AEBP2: variants seen among roughly 807,000 people sequenced by gnomAD.
AEBP2 encodes the protein AE binding protein 2.
In AEBP2, 10 loss-of-function variants were observed where a neutral mutation model predicts 50.8. The ratio of observed to expected loss-of-function variants is 0.20; its 90% CI spans 0.12 to 0.33. AEBP2 has a LOEUF of 0.33. Among genes scored for constraint, AEBP2 ranks in the 10% least tolerant of loss-of-function variants. The pLI is 1.00. For missense variants in AEBP2, 570 were observed against 688.0 expected (o/e 0.83, Z 1.92); for synonymous variants, 296 against 261.3 (o/e 1.13, Z -1.28).
intron 1 of AEBP2, among the ~76,000 whole-genome samples, chr12:19,408,954 CAAAA>C (rs2095737803): frequency 6.6e-6 from 1 of 151,318 alleles, no homozygotes; most frequent in South Asian, 2.1e-4. Context: ...AGCAAAACAG[CAAAA>C]AAAATTTTTT....
chr12:19,470,153 CTT>C (rs1948548067), intron 2 of AEBP2, among the ~76,000 whole-genome samples: 2 of 148,186 alleles, frequency 1.3e-5, no homozygotes, highest in South Asian at 4.2e-4. Flanking sequence ...TTTTGTGGAT[CTT>C]TCTTTTTTCT....
At chr12:19,413,623 G>A (rs11044543) in intron 1 of AEBP2, among the ~76,000 whole-genome samples, 3,423 of 152,296 alleles carry the variant, frequency 0.022, 45 homozygotes, top group East Asian at 0.045. Context: ...TCCATAGACA[G>A]AGCAGCCCAG....
intron 1 of AEBP2, among the ~76,000 whole-genome samples, chr12:19,459,928 A>C (rs775604628): frequency 6.6e-6 from 1 of 152,242 alleles, no homozygotes. Flanking sequence ...GCTACAAAAA[A>C]ATAGAAAAAT....
chr12:19,508,659 C>T (rs1041326785), intron 5 of AEBP2, among the ~76,000 whole-genome samples: 5 of 151,998 alleles, frequency 3.3e-5, no homozygotes, highest in Non-Finnish European at 7.4e-5. Flanking sequence ...TTTTTTGGGT[C>T]TTTCTGTTAG....
rs1398876571 is a variant in AEBP2 at position 19,493,912 on chromosome 12, C to T, written c.1100C>T (p.Ala367Val). 1 of 1,613,558 alleles carries T rather than the reference C, an allele frequency of 6.2e-7. No homozygotes were observed. The highest frequency in any genetic ancestry group is 8.5e-7 in the Non-Finnish European group (1 of 1,179,738). ...NSSKVSSQPK[A>V]KEESPSKAGM... ...TCAAAAGTTTCTAGCCAGCCAAAGG[C>T]CAAAGAAGAATCTCCTTCTAAAGCT... The change falls in exon 4 of 8, where the codon GCC (alanine) becomes GTC (valine). Residue 367 changes from alanine (A) to valine (V), a missense_variant. By Grantham distance (64) the Ala-to-Val change is moderately conservative. Coordinates refer to ENST00000266508, the MANE Select transcript of AEBP2 (RefSeq NM_153207.5).
chr12:19,455,652 G>A (rs566845310), intron 1 of AEBP2, among the ~76,000 whole-genome samples: 56 of 152,300 alleles, frequency 3.7e-4, no homozygotes, highest in African/African-American at 1.3e-3. Context: ...GACAGGCTTC[G>A]AATTTCCAAA....
chr12:19,417,989 A>T (rs1273092482), intron 1 of AEBP2, among the ~76,000 whole-genome samples: 1 of 152,144 alleles, frequency 6.6e-6, no homozygotes, highest in African/African-American at 2.4e-5. Flanking sequence ...GTCATGAGGC[A>T]CTGCGCCCGG....
Position 19,520,396 on chromosome 12 carries a change from C to T in AEBP2, c.*2279C>T, listed in dbSNP as rs968453514. The stretch of plus-strand genomic sequence containing the variant: ...ATTAACTTCTGAGTACTCAATCAAT[C>T]ATAATCCTTTTGCTGCTTATCTGAT... On this transcript the variant is annotated 3_prime_UTR_variant, in exon 8 of 8. Coordinates refer to ENST00000266508, the MANE Select transcript of AEBP2 (RefSeq NM_153207.5). 1 of 152,158 alleles carries T rather than the reference C, an allele frequency of 6.6e-6. No individual in the cohort carries two copies. The highest frequency in any genetic ancestry group is 1.5e-5 in the Non-Finnish European group (1 of 68,022). 9.4% of individuals were successfully genotyped at this position (152,158 alleles called of 1,614,324 possible). A position where few individuals can be genotyped will look rare whatever the true frequency, so the allele number is the denominator to read the frequency against.
intron 1 of AEBP2, among the ~76,000 whole-genome samples, chr12:19,427,978 C>T (rs1433170978): frequency 3.3e-5 from 5 of 151,742 alleles, no homozygotes; most frequent in Non-Finnish European, 5.9e-5. Flanking sequence ...TGTGATCTCC[C>T]GTAATCCCAG....
At chr12:19,497,305 C>G (rs1459502185) in intron 4 of AEBP2, among the ~76,000 whole-genome samples, 1 of 75,628 alleles carries the variant, frequency 1.3e-5, no homozygotes, top group Admixed American at 1.2e-4. Context: ...AAAATAGTTT[C>G]TATTTTTGTG....
chr12:19,422,220 T>C (rs2095746202), intron 1 of AEBP2, among the ~76,000 whole-genome samples: 1 of 152,146 alleles, frequency 6.6e-6, no homozygotes, highest in South Asian at 2.1e-4. Context: ...TCCTGTCATG[T>C]TGTTATATTG....
In AEBP2 at chr12:19,511,722, T is replaced by A. The variant is rs1369900586; in HGVS notation, c.1300-676T>A. The stretch of plus-strand genomic sequence containing the variant: ...TAGTGTTGGAATATTTGCTGTCCCC[T>A]TTTTGGGCCTGAAGTGCTCGAAGGT... On this transcript the variant is annotated intron_variant, in intron 5 of 7. Coordinates refer to ENST00000266508, the MANE Select transcript of AEBP2 (RefSeq NM_153207.5). Among the ~76,000 whole-genome samples, 3 of 152,164 alleles carry A rather than the reference T, an allele frequency of 2.0e-5. No homozygotes were observed. In the East Asian group the frequency reaches 5.8e-4, roughly 29 times the overall value.
chr12:19,429,651 CTT>C (rs2153365092), intron 1 of AEBP2, among the ~76,000 whole-genome samples: 1 of 152,314 alleles, frequency 6.6e-6, no homozygotes, highest in Admixed American at 6.5e-5. Context: ...TGTTTCCTGA[CTT>C]TTGAATGATT....
intron 1 of AEBP2, among the ~76,000 whole-genome samples, chr12:19,433,943 TTCA>T (rs1463824794): frequency 6.6e-6 from 1 of 151,936 alleles, no homozygotes; most frequent in Non-Finnish European, 1.5e-5. Context: ...GCCTCCTGGG[TTCA>T]AGTGATTCCT....
At chr12:19,464,630 A>C (rs1948439869) in intron 2 of AEBP2, among the ~76,000 whole-genome samples, 1 of 151,468 alleles carries the variant, frequency 6.6e-6, no homozygotes, top group Admixed American at 6.6e-5. Context: ...CTTGTTGCCC[A>C]GGCTGGAGGG....
chr12:19,445,740 G>A (rs1187606556), intron 1 of AEBP2, among the ~76,000 whole-genome samples: 2 of 152,168 alleles, frequency 1.3e-5, no homozygotes, highest in Non-Finnish European at 2.9e-5. Context: ...TTTGCAAAAG[G>A]ATATGGTAGA....
At chr12:19,481,603 C>T (rs1444264353) in intron 3 of AEBP2, among the ~76,000 whole-genome samples, 3 of 152,118 alleles carry the variant, frequency 2.0e-5, no homozygotes, top group Non-Finnish European at 4.4e-5. Flanking sequence ...CTCATCCTCC[C>T]GAGTAGCTGG....
At chr12:19,439,482 G>A (rs902507454), upstream of AEBP2, among the ~76,000 whole-genome samples, 10 of 151,812 alleles carry the variant, frequency 6.6e-5, no homozygotes, top group African/African-American at 2.4e-4. Flanking sequence ...CCGCCGCGCA[G>A]GCGCGCAGCA....
chr12:19,487,917 ATGTT>A (rs1029310659), intron 3 of AEBP2, among the ~76,000 whole-genome samples: 3 of 152,084 alleles, frequency 2.0e-5, no homozygotes, highest in African/African-American at 4.8e-5. Flanking sequence ...TTGAGATCTC[ATGTT>A]TGTTTTGTGG....
Sources: gnomAD v4.1 joint callset for allele counts (sites outside exome capture counted in the v4.1 genomes callset) on GRCh38, gnomAD v4.1.1 for gene constraint, MANE v1.5 for transcripts, NCBI Gene and HGNC (gene_info 2026-07-23, HGNC 2026-07-21) for gene names.